Variants in KLF10 observed in about 807,000 individuals in gnomAD.
The protein encoded by KLF10 is KLF transcription factor 10.
Under a neutral mutation model 31.6 loss-of-function variants are expected in KLF10, and 17 were observed. The ratio of observed to expected loss-of-function variants is 0.54; its 90% confidence interval spans 0.37 to 0.81. The LOEUF (loss-of-function observed/expected upper bound fraction) is 0.81, where lower values mean the gene tolerates loss of function less well. KLF10 is among the 30% of genes least tolerant of loss of function. The pLI is 0.00. For synonymous variants in KLF10, 239 were observed against 215.1 expected (o/e 1.11, Z -0.97); for missense variants, 525 against 598.1 (o/e 0.88, Z 1.27).
intron 1 of KLF10, among the ~76,000 whole-genome samples, chr8:102,654,551 G>GC (rs2131084965): frequency 6.6e-6 from 1 of 151,914 alleles, no homozygotes; most frequent in Non-Finnish European, 1.5e-5. Context: ...CCCGCCGGCA[G>GC]CCCCCGGGAA....
chr8:102,653,838 G>A (rs1827280955), intron 1 of KLF10: 3 of 1,007,556 alleles, frequency 3.0e-6, no homozygotes, highest in Non-Finnish European at 3.6e-6. Flanking sequence ...AAGGGAGTGG[G>A]GCGCGAGGCA....
intron 3 of KLF10, 39 bp from the exon 4 acceptor site, chr8:102,650,430 T>C (rs758865552): frequency 3.8e-6 from 6 of 1,580,970 alleles, no homozygotes; most frequent in Middle Eastern, 3.4e-4. Context: ...ATGCATAAGA[T>C]TGCCGTAAAT....
Position 102,652,349 on chromosome 8 carries a change from AATAC to A in KLF10, c.81_84del (p.Met27IlefsTer15). The A allele has an allele frequency of 6.2e-7, 1 of 1,611,408 alleles. No individual in the cohort carries two copies. The highest frequency in any genetic ancestry group is 8.5e-7 in the Non-Finnish European group (1 of 1,178,216). On this transcript the variant is annotated frameshift_variant, in exon 2 of 4. Coordinates refer to ENST00000285407, the MANE Select transcript of KLF10 (RefSeq NM_005655.4). LOFTEE classifies it high-confidence loss of function. Reference sequence around the variant, plus strand: ...CTTTTCTCTGCAGTTTTGTTCCAGGAATACATACTCTCTTTTGGCCTTTCAGAAA... The same window carrying A: ...CTTTTCTCTGCAGTTTTGTTCCAGGAATACTCTCTTTTGGCCTTTCAGAAA...
In KLF10 at chr8:102,653,560, G is replaced by A. The variant is rs560046515; in HGVS notation, c.37-1163C>T. ...AAAAATACCAAAAAACATTCTTTAC[G>A]TTGCAAGGTATTATTCTCAATACTA... On this transcript the variant is annotated intron_variant, in intron 1 of 3. Transcript: ENST00000285407. 90 of 1,476,940 alleles carry A rather than the reference G, an allele frequency of 6.1e-5. 2 individuals carry two copies. The East Asian group carries it at 1.5e-3, about 25-fold the overall frequency. The allele number at this position is 1,476,940 out of a possible 1,614,324, so 91.5% of individuals were successfully genotyped here.
At chr8:102,653,921 C>A in intron 1 of KLF10, 1 of 987,370 alleles carries the variant, frequency 1.0e-6, no homozygotes, top group African/African-American at 1.8e-5. Context: ...CGGGGGAGAT[C>A]CTAGCTGGCG....
In KLF10 at chr8:102,655,573, T is replaced by C. The variant is rs773160907; in HGVS notation, c.29A>G (p.Gln10Arg). The change falls in exon 1 of 4, where the codon CAG (glutamine) becomes CGG (arginine). Residue 10 changes from glutamine to arginine, a missense_variant. Gln to Arg is a conservative substitution (Grantham distance 43, BLOSUM62 1). Around this residue, in one of 3 missense-constraint regions of KLF10, gnomAD observed 434 missense variants for 450.7 expected, o/e 0.96. Coordinates refer to ENST00000285407, the MANE Select transcript of KLF10 (RefSeq NM_005655.4). ...CATCCCCAAATGACTTACCGCAGTC[T>C]GCTGGAGAGAGGCACCGAAGTTGAG... is the stretch of plus-strand genomic sequence containing the variant. Reference protein sequence around the residue: MLNFGASLQQTAEERMEMIS... With the variant: MLNFGASLQRTAEERMEMIS... 2 of 1,614,176 alleles carry C rather than the reference T, an allele frequency of 1.2e-6. No homozygotes were observed. The highest frequency in any genetic ancestry group is 1.1e-5 in the South Asian group (1 of 91,082).
In KLF10 at chr8:102,650,018, C is replaced by T. The variant is rs879064190; in HGVS notation, c.*114G>A. On this transcript the variant is annotated 3_prime_UTR_variant, in exon 4 of 4. Coordinates refer to ENST00000285407, the MANE Select transcript of KLF10 (RefSeq NM_005655.4). ...GGGGCCTTCGTGCCAGGCTGTGGGGCTTCTGCTTTAAGCCCACGTTGTGGG... is the reference window on the plus strand; with the variant it reads ...GGGGCCTTCGTGCCAGGCTGTGGGGTTTCTGCTTTAAGCCCACGTTGTGGG... 1 of 1,378,432 alleles carries T rather than the reference C, an allele frequency of 7.3e-7. No individual in the cohort carries two copies. Among genetic ancestry groups the T allele is most frequent in the Non-Finnish European group, 9.8e-7 (1 of 1,022,442 alleles). The allele number at this position is 1,378,432 out of a possible 1,614,324, so 85.4% of individuals were successfully genotyped here. A position where few individuals can be genotyped will look rare whatever the true frequency, so the allele number is the denominator to read the frequency against.
chr8:102,650,434 C>A, intron 3 of KLF10, 43 bp from the exon 4 acceptor site: 1 of 1,573,296 alleles, frequency 6.4e-7, no homozygotes, highest in South Asian at 1.1e-5. Flanking sequence ...ATAAGATTGC[C>A]GTAAATTATA....
Position 102,651,518 on chromosome 8 carries a change from C to G in KLF10, c.814G>C (p.Val272Leu). The stretch of plus-strand genomic sequence containing the variant: ...GGAAGGGGAACCATCTGGCAGATGA[C>G]CGGCATAGGTGGCACTCCCCCTGCA... ...VSAGGVPPMPVICQMVPLPAN... is the reference protein window; with the variant it reads ...VSAGGVPPMPLICQMVPLPAN... Residue 272 changes from valine to leucine, a missense_variant, in exon 3 of 4, where the codon GTC (valine) becomes CTC (leucine). Val to Leu is a conservative substitution (Grantham distance 32). Transcript: ENST00000285407. 1.2e-6 allele frequency: 2 copies of G among 1,613,080 alleles called. No homozygotes were observed. Among genetic ancestry groups the G allele is most frequent in the South Asian group, 2.2e-5 (2 of 91,028 alleles).
At chr8:102,653,173 A>G (rs1218582694) in intron 1 of KLF10, among the ~76,000 whole-genome samples, 1 of 152,218 alleles carries the variant, frequency 6.6e-6, no homozygotes, top group Non-Finnish European at 1.5e-5. Context: ...CAACCTCTTC[A>G]TATTTGTGCT....
intron 1 of KLF10, chr8:102,653,661 A>G (rs1827273038): frequency 2.3e-6 from 3 of 1,300,818 alleles, no homozygotes; most frequent in Non-Finnish European, 2.9e-6. Flanking sequence ...TATCGCTAAC[A>G]ATATAATTGC....
chr8:102,651,259 G>C lies in KLF10; in HGVS notation c.1073C>G (p.Thr358Ser). Residue 358 changes from threonine to serine, a missense_variant, in exon 3 of 4, where the codon ACT becomes AGT. Thr to Ser is a moderately conservative substitution (Grantham distance 58). This residue lies in a region of KLF10 where 434 missense variants were observed against 450.7 expected (regional missense o/e 0.96). Coordinates refer to ENST00000285407, the MANE Select transcript of KLF10 (RefSeq NM_005655.4). ...PGFSPSAAKV[T>S]PQIDSSRIRS... is the part of the protein sequence containing the mutation. ...TATCCTTGATGAATCAATCTGAGGAGTGACTTTTGCTGCTGAAGGGGAAAA... is the reference window on the plus strand; with the variant it reads ...TATCCTTGATGAATCAATCTGAGGACTGACTTTTGCTGCTGAAGGGGAAAA... 1 of 1,606,224 alleles carries C rather than the reference G, an allele frequency of 6.2e-7. No individual in the cohort carries two copies. The highest frequency in any genetic ancestry group is 1.1e-5 in the South Asian group (1 of 89,898).
rs776661632 is a variant in KLF10 at position 102,650,161 on chromosome 8, G to T, written c.1414C>A (p.Leu472Ile). 1 of 1,614,222 alleles carries T rather than the reference G, an allele frequency of 6.2e-7. No homozygotes were observed. The highest frequency in any genetic ancestry group is 8.5e-7 in the Non-Finnish European group (1 of 1,180,044). ...MEVSKLNDIA[L>I]PPTPAPTQ is the part of the protein sequence containing the mutation. ...TGTGTGGGAGCAGGGGTTGGAGGTA[G>T]AGCAATGTCATTTAGCTTGCTCACT... Residue 472 changes from leucine to isoleucine, a missense_variant, in exon 4 of 4, where the codon CTA becomes ATA. By Grantham distance (5) the Leu-to-Ile change is conservative. This residue lies in a region of KLF10 where 42 missense variants were observed against 42.4 expected (regional missense o/e 0.99). Coordinates refer to ENST00000285407, the MANE Select transcript of KLF10 (RefSeq NM_005655.4).
chr8:102,650,479 C>A, intron 3 of KLF10, 88 bp from the exon 4 acceptor site: 2 of 1,291,004 alleles, frequency 1.5e-6, no homozygotes, highest in Non-Finnish European at 2.1e-6. Context: ...TGAGAAGATA[C>A]ATTTTAAATA....
In KLF10 at chr8:102,649,962, GCCGAAGCCCTTTTAGTCACCTAA is replaced by G. The variant is rs1192169532; in HGVS notation, c.*147_*169del. ...CCTGCCTTTCTGTGACCTGCCTGTG[GCCGAAGCCCTTTTAGTCACCTAA>G]CCCAGGCGGGGCCTTCGTGCCAGGC... On this transcript the variant is annotated 3_prime_UTR_variant, in exon 4 of 4. Transcript: ENST00000285407. The G allele has an allele frequency of 1.4e-6, 1 of 718,546 alleles. No homozygotes were observed. Among genetic ancestry groups the G allele is most frequent in the East Asian group, 2.7e-5 (1 of 36,728 alleles). 44.5% of individuals were successfully genotyped at this position (718,546 alleles called of 1,614,324 possible). A position where few individuals can be genotyped will look rare whatever the true frequency, so the allele number is the denominator to read the frequency against.
rs996080344 is a variant in KLF10, at chr8:102,653,800, G to A, written c.37-1403C>T. The A allele has an allele frequency of 4.1e-5, 43 of 1,043,836 alleles. No homozygotes were observed. In the African/African-American group the frequency reaches 6.6e-4, roughly 16 times the overall value. 64.7% of individuals were successfully genotyped at this position (1,043,836 alleles called of 1,614,324 possible). A position where few individuals can be genotyped will look rare whatever the true frequency, so the allele number is the denominator to read the frequency against. On this transcript the variant is annotated intron_variant, in intron 1 of 3. Transcript: ENST00000285407. Reference sequence around the variant, plus strand: ...GGGAAAGAGAGCGTGAGCTGGGAAGGACAGGAAGGGAAACAGGGAGGGGAG... The same window carrying A: ...GGGAAAGAGAGCGTGAGCTGGGAAGAACAGGAAGGGAAACAGGGAGGGGAG...
At chr8:102,650,607 G>A (rs887934087) in intron 3 of KLF10, among the ~76,000 whole-genome samples, 1 of 152,150 alleles carries the variant, frequency 6.6e-6, no homozygotes, top group African/African-American at 2.4e-5. Context: ...GCAGCCGGGT[G>A]GAGTAGTAGG....
In KLF10 at chr8:102,651,479, C is replaced by A; in HGVS notation, c.853G>T (p.Val285Phe). Residue 285 changes from valine (V) to phenylalanine (F), a missense_variant, in exon 3 of 4, where the codon GTT (valine) becomes TTT (phenylalanine). Around this residue, in one of 3 missense-constraint regions of KLF10, gnomAD observed 434 missense variants for 450.7 expected, o/e 0.96. Transcript: ENST00000285407. ...GTGCTGGGAACGACTGTTGTCACAA[C>A]AGGGTTGTTGGCAGGAAGGGGAACC... ...QMVPLPANNP[V>F]VTTVVPSTPP... 1 of 1,613,914 alleles carries A rather than the reference C, an allele frequency of 6.2e-7. No individual in the cohort carries two copies.
chr8:102,653,921 C>T (rs1183568376), intron 1 of KLF10: 3 of 987,370 alleles, frequency 3.0e-6, no homozygotes, highest in Non-Finnish European at 3.6e-6. Flanking sequence ...CGGGGGAGAT[C>T]CTAGCTGGCG....
Sources: allele counts gnomAD v4.1 joint callset (sites outside exome capture counted in the v4.1 genomes callset), GRCh38; gene constraint gnomAD v4.1.1; regional missense constraint gnomAD v4.1.1; transcripts MANE v1.5; gene names NCBI Gene and HGNC (gene_info 2026-07-23, HGNC 2026-07-21).